MGAT4A: variants seen among roughly 807,000 people sequenced by gnomAD.
The protein encoded by MGAT4A is N-acetylglucosaminyltransferase IVa.
A neutral mutation model predicts 74.1 loss-of-function variants in MGAT4A; 33 were observed. The observed-to-expected ratio is 0.45, with a 90% CI of 0.34 to 0.60. The LOEUF is 0.60. Ranked by LOEUF, MGAT4A falls within the 20% of genes least tolerant of loss-of-function variation. The pLI, the probability that MGAT4A is intolerant of heterozygous loss-of-function variation, is 0.02. For synonymous variants in MGAT4A, 198 were observed against 210.4 expected (o/e 0.94, Z 0.51); for missense variants, 479 against 628.3 (o/e 0.76, Z 2.54).
chr2:98,684,878 T>C (rs1194535661), intron 2 of MGAT4A, among the ~76,000 whole-genome samples: 2 of 152,172 alleles, frequency 1.3e-5, no homozygotes, highest in Non-Finnish European at 2.9e-5. Flanking sequence ...CCACTCTTTA[T>C]TTCTTAATTT....
chr2:98,684,391 A>G (rs1440344628), intron 2 of MGAT4A, among the ~76,000 whole-genome samples: 2 of 152,224 alleles, frequency 1.3e-5, no homozygotes, highest in Non-Finnish European at 2.9e-5. Context: ...TTTACTGTAG[A>G]CAAAATCTAA....
chr2:98,697,716 T>A (rs10172913), intron 2 of MGAT4A, among the ~76,000 whole-genome samples: 46,471 of 151,894 alleles, frequency 0.31, 7,691 homozygotes, highest in Non-Finnish European at 0.37. Flanking sequence ...AACAAATAAT[T>A]ATTATTAAGG....
chr2:98,679,468 T>C (rs1263814801), intron 2 of MGAT4A, among the ~76,000 whole-genome samples: 1 of 130,388 alleles, frequency 7.7e-6, no homozygotes, highest in Non-Finnish European at 1.6e-5. Flanking sequence ...CCCATCTCTA[T>C]AAAACAATAA....
intron 2 of MGAT4A, among the ~76,000 whole-genome samples, chr2:98,701,487 T>C (rs1702355479): frequency 6.6e-6 from 1 of 152,340 alleles, no homozygotes; most frequent in Admixed American, 6.5e-5. Flanking sequence ...ATGTCGGCCA[T>C]GAATAATATC....
chr2:98,714,762 T>C (rs551128442), intron 2 of MGAT4A, among the ~76,000 whole-genome samples: 10 of 151,762 alleles, frequency 6.6e-5, no homozygotes, highest in Middle Eastern at 3.2e-3. Context: ...TAGATAGAGG[T>C]GGTAGTTGCA....
In MGAT4A at chr2:98,622,626, G is replaced by A. The variant is rs900031170; in HGVS notation, c.*2940C>T. 1.6e-5 allele frequency: 16 copies of A among 985,492 alleles called. No individual in the cohort carries two copies. The East Asian group carries it at 1.6e-3, about 98-fold the overall frequency. 61.0% of individuals were successfully genotyped at this position (985,492 alleles called of 1,614,324 possible). Reference sequence around the variant, plus strand: ...TTTCCTGCTTGGGGAAAGGATGGCTGCTTCTACTAGTTGAGTGCAGAACTG... The same window carrying A: ...TTTCCTGCTTGGGGAAAGGATGGCTACTTCTACTAGTTGAGTGCAGAACTG... On this transcript the variant is annotated 3_prime_UTR_variant, in exon 16 of 16. Transcript: ENST00000393487.
chr2:98,664,947 G>A (rs1360537713), intron 4 of MGAT4A, among the ~76,000 whole-genome samples: 1 of 152,090 alleles, frequency 6.6e-6, no homozygotes, highest in Non-Finnish European at 1.5e-5. Context: ...TATCAATACA[G>A]AAGTATTTTA....
chr2:98,674,269 A>G (rs1452810115), intron 4 of MGAT4A, among the ~76,000 whole-genome samples: 2 of 152,220 alleles, frequency 1.3e-5, no homozygotes, highest in Non-Finnish European at 2.9e-5. Context: ...TCATTTCATC[A>G]CTTGTTAAAA....
intron 1 of MGAT4A, among the ~76,000 whole-genome samples, chr2:98,728,139 G>A (rs576016016): frequency 6.6e-6 from 1 of 152,274 alleles, no homozygotes; most frequent in South Asian, 2.1e-4. Context: ...CTACTAAGGA[G>A]TAAGTTGCAA....
chr2:98,701,168 G>GA (rs1175157783), intron 2 of MGAT4A, among the ~76,000 whole-genome samples: 1 of 152,006 alleles, frequency 6.6e-6, no homozygotes, highest in Non-Finnish European at 1.5e-5. Context: ...CACTAATCCA[G>GA]AAAAAATGAA....
rs569162180 is a variant in MGAT4A at position 98,646,203 on chromosome 2, ATT to A, written c.775-663_775-662del. ...TTGGAACTATCAATACAAACGTGTG[ATT>A]TTTTTTTCCTCTGTAAAATAAAATA... On this transcript the variant is annotated intron_variant, in intron 8 of 15. Coordinates refer to ENST00000393487, the MANE Select transcript of MGAT4A (RefSeq NM_012214.3). Among the ~76,000 whole-genome samples the A allele has an allele frequency of 5.9e-5, 9 of 151,424 alleles. No homozygotes were observed. In the South Asian group the frequency reaches 1.0e-3, roughly 18 times the overall value.
At chr2:98,700,836 AGCCGAGATCGC>A (rs1169957337) in intron 2 of MGAT4A, among the ~76,000 whole-genome samples, 1 of 151,440 alleles carries the variant, frequency 6.6e-6, no homozygotes, top group Non-Finnish European at 1.5e-5. Context: ...GGTTGCAGTG[AGCCGAGATCGC>A]GCCACTACAC....
intron 12 of MGAT4A, among the ~76,000 whole-genome samples, chr2:98,638,726 A>C (rs566120204): frequency 3.9e-4 from 60 of 152,392 alleles, no homozygotes; most frequent in African/African-American, 1.4e-3. Flanking sequence ...AACACTTTTA[A>C]AACTTGAATT....
In MGAT4A at chr2:98,658,257, A is replaced by G. The variant is rs1369000296; in HGVS notation, c.545T>C (p.Ile182Thr). ...VIVVFIGETD[I>T]DYVHGVVANL... ...GGCTACAACACCATGTACATAATCA[A>G]TATCTGTCTGGGAAAGAAAAAAAAT... is the stretch of plus-strand genomic sequence containing the variant. Residue 182 changes from isoleucine to threonine, a missense_variant, in exon 6 of 16, where the codon ATT becomes ACT. Physicochemically the swap from Ile to Thr is moderately conservative, Grantham distance 89. Transcript: ENST00000393487. The G allele has an allele frequency of 2.6e-6, 4 of 1,563,936 alleles. No individual in the cohort carries two copies. In the African/African-American group the frequency reaches 5.5e-5, roughly 22 times the overall value.
chr2:98,701,132 A>T (rs1403786402), intron 2 of MGAT4A, among the ~76,000 whole-genome samples: 2 of 152,220 alleles, frequency 1.3e-5, no homozygotes, highest in African/African-American at 4.8e-5. Flanking sequence ...AGATCCCCAC[A>T]GGTCCTTGGA....
intron 14 of MGAT4A, among the ~76,000 whole-genome samples, chr2:98,628,257 C>T (rs1002887043): frequency 2.0e-5 from 3 of 152,080 alleles, no homozygotes; most frequent in Non-Finnish European, 2.9e-5. Flanking sequence ...GTGACAACTC[C>T]GTCAATTCCT....
intron 2 of MGAT4A, among the ~76,000 whole-genome samples, chr2:98,721,301 G>C (rs958994438): frequency 6.6e-6 from 1 of 152,160 alleles, no homozygotes; most frequent in Admixed American, 6.5e-5. Context: ...AAATTCTTCA[G>C]GCTGAAAGGA....
chr2:98,694,155 C>T (rs1185908374), intron 2 of MGAT4A: 1 of 153,422 alleles, frequency 6.5e-6, no homozygotes, highest in Non-Finnish European at 1.5e-5. Context: ...AACATGGCCA[C>T]CTACACGAAG....
intron 8 of MGAT4A, among the ~76,000 whole-genome samples, chr2:98,649,957 A>G (rs1363920288): frequency 6.6e-6 from 1 of 152,226 alleles, no homozygotes; most frequent in Non-Finnish European, 1.5e-5. Flanking sequence ...AGACATATGA[A>G]CTGCCCAGTA....
Sources: allele counts gnomAD v4.1 joint callset (sites outside exome capture counted in the v4.1 genomes callset), GRCh38; gene constraint gnomAD v4.1.1; transcripts MANE v1.5; gene names NCBI Gene and HGNC (gene_info 2026-07-23, HGNC 2026-07-21).